Variants in ZNF407 observed in about 807,000 individuals in gnomAD.
ZNF407 encodes zinc finger protein 407.
ZNF407 carries 17 observed loss-of-function variants against 131.2 expected under a neutral mutation model. That is an observed-to-expected ratio of 0.13 (90% CI 0.09 to 0.19). ZNF407 has a LOEUF of 0.19. Ranked by LOEUF, ZNF407 falls within the 10% of genes least tolerant of loss-of-function variation. The pLI is 1.00. For synonymous variants in ZNF407, 1,156 were observed against 1,062.0 expected, an observed-to-expected ratio of 1.09 and a Z score of -1.72; for missense variants, 2,681 against 2,830.6, an observed-to-expected ratio of 0.95 and a Z score of 1.20.
intron 8 of ZNF407, among the ~76,000 whole-genome samples, chr18:74,984,427 A>T (rs557688470): frequency 6.5e-4 from 99 of 152,366 alleles, no homozygotes; most frequent in Non-Finnish European, 1.2e-3. Context: ...TATTATGTTT[A>T]CAATATATGA....
chr18:74,981,705 C>T (rs1972595770), intron 8 of ZNF407, among the ~76,000 whole-genome samples: 1 of 152,160 alleles, frequency 6.6e-6, no homozygotes, highest in Admixed American at 6.5e-5. Flanking sequence ...CCAGCCAAGC[C>T]ACACACATGG....
At chr18:75,055,325 A>G (rs1260687724) in intron 8 of ZNF407, among the ~76,000 whole-genome samples, 2 of 152,096 alleles carry the variant, frequency 1.3e-5, no homozygotes, top group Non-Finnish European at 2.9e-5. Flanking sequence ...TCGATTTCCA[A>G]AGGTACATGG....
At chr18:74,755,771 T>TTCTC (rs112828430) in intron 3 of ZNF407, among the ~76,000 whole-genome samples, 23 of 130,584 alleles carry the variant, frequency 1.8e-4, no homozygotes, top group African/African-American at 4.3e-4. Context: ...CTTTCTTTCT[T>TTCTC]TCTCTCTCTC....
intron 7 of ZNF407, among the ~76,000 whole-genome samples, chr18:74,907,940 G>T (rs1377837637): frequency 6.6e-6 from 1 of 151,972 alleles, no homozygotes; most frequent in Non-Finnish European, 1.5e-5. Context: ...GTCACCTTAA[G>T]TTTTAATTCG....
At chr18:74,758,328 G>A (rs1969011357) in intron 3 of ZNF407, among the ~76,000 whole-genome samples, 1 of 152,034 alleles carries the variant, frequency 6.6e-6, no homozygotes, top group Non-Finnish European at 1.5e-5. Context: ...ATGCATGTGT[G>A]TGTATAAATT....
chr18:74,872,811 G>T (rs1225284313), intron 4 of ZNF407, among the ~76,000 whole-genome samples: 2 of 150,248 alleles, frequency 1.3e-5, no homozygotes, highest in Non-Finnish European at 3.0e-5. Context: ...CCTCTTACTG[G>T]TAAAAAATAA....
chr18:74,748,357 T>C (rs1968719674), intron 3 of ZNF407, among the ~76,000 whole-genome samples: 1 of 151,806 alleles, frequency 6.6e-6, no homozygotes, highest in African/African-American at 2.4e-5. Flanking sequence ...TGGACAACAC[T>C]GATCAGAAAA....
Position 75,063,731 on chromosome 18 carries a change from G to T in ZNF407, c.6010G>T (p.Gly2004Cys), listed in dbSNP as rs766430165. ...CAVTELGEVEGRAGLEEQGRP... is the reference protein window; with the variant it reads ...CAVTELGEVECRAGLEEQGRP... ...GGTCACTGAATTAGGGGAGGTGGAG[G>T]GCAGGGCTGGGCTCGAGGAGCAAGG... Residue 2004 changes from glycine (G) to cysteine (C), a missense_variant, in exon 9 of 9, where the codon GGC becomes TGC. Physicochemically the swap from Gly to Cys is radical, Grantham distance 159. Transcript: ENST00000299687. This position sits in a 1 kb window ranked among gnomAD's most constrained non-coding sequence, Gnocchi z 6.6. 5 of 1,612,248 alleles carry T rather than the reference G, an allele frequency of 3.1e-6. No individual in the cohort carries two copies. The South Asian group carries it at 5.5e-5, about 18-fold the overall frequency.
chr18:74,644,367 A>G (rs1224044802), intron 3 of ZNF407, among the ~76,000 whole-genome samples: 2 of 151,788 alleles, frequency 1.3e-5, no homozygotes, highest in African/African-American at 4.8e-5. Flanking sequence ...AATAGAAACT[A>G]TACCTATTTT....
At chr18:74,804,356 T>A in intron 4 of ZNF407, 2 of 1,048,342 alleles carry the variant, frequency 1.9e-6, no homozygotes, top group Non-Finnish European at 2.3e-6. Flanking sequence ...GACTGTCCAA[T>A]CAAAGTTTTT....
At chr18:74,746,404 A>G (rs1346881000) in intron 3 of ZNF407, among the ~76,000 whole-genome samples, 1 of 152,126 alleles carries the variant, frequency 6.6e-6, no homozygotes, top group Non-Finnish European at 1.5e-5. Context: ...TCTTACTGCA[A>G]GTTTTTCACT....
intron 4 of ZNF407, among the ~76,000 whole-genome samples, chr18:74,789,444 G>T (rs1207622431): frequency 6.6e-6 from 1 of 152,154 alleles, no homozygotes; most frequent in African/African-American, 2.4e-5. Context: ...ACCAGTGAGC[G>T]TATTTCATTG....
intron 3 of ZNF407, among the ~76,000 whole-genome samples, chr18:74,745,162 CT>C (rs1968639489): frequency 6.6e-6 from 1 of 152,046 alleles, no homozygotes; most frequent in African/African-American, 2.4e-5. Flanking sequence ...AAAAAGGCAA[CT>C]TAATAATTGG....
chr18:74,623,231 C>CG (rs1983631107), intron 1 of ZNF407, among the ~76,000 whole-genome samples: 1 of 149,432 alleles, frequency 6.7e-6, no homozygotes, highest in South Asian at 2.1e-4. Context: ...TGTGTGAGTG[C>CG]GGGTGTTAGT....
At chr18:74,653,771 C>T (rs774646560) in intron 3 of ZNF407, among the ~76,000 whole-genome samples, 28 of 151,730 alleles carry the variant, frequency 1.8e-4, no homozygotes, top group African/African-American at 4.8e-4. Flanking sequence ...CAAAAACTAA[C>T]GTAATTATGC....
intron 3 of ZNF407, among the ~76,000 whole-genome samples, chr18:74,715,505 C>T (rs1967873047): frequency 6.6e-6 from 1 of 152,144 alleles, no homozygotes; most frequent in Non-Finnish European, 1.5e-5. Flanking sequence ...GCAGCTCATC[C>T]CATCACAGGA....
chr18:75,059,741 G>GGC (rs1482468601), intron 8 of ZNF407, among the ~76,000 whole-genome samples: 3 of 152,100 alleles, frequency 2.0e-5, no homozygotes, highest in African/African-American at 7.2e-5. Context: ...AGGAGCTGTG[G>GGC]GCGCCACCCT....
At chr18:74,833,306 G>A (rs1487431162) in intron 4 of ZNF407, among the ~76,000 whole-genome samples, 1 of 152,248 alleles carries the variant, frequency 6.6e-6, no homozygotes, top group Non-Finnish European at 1.5e-5. Flanking sequence ...CTGTTCTCTA[G>A]TGAGATTAAA....
chr18:74,784,902 G>A (rs895374416), intron 4 of ZNF407, among the ~76,000 whole-genome samples: 14 of 152,158 alleles, frequency 9.2e-5, no homozygotes, highest in African/African-American at 2.4e-4. Context: ...GGTATTCGTC[G>A]TTCAGTGCTG....
Sources: allele counts gnomAD v4.1 joint callset (sites outside exome capture counted in the v4.1 genomes callset), GRCh38; gene constraint gnomAD v4.1.1; non-coding constraint Gnocchi (gnomAD v3.1); transcripts MANE v1.5; gene names NCBI Gene and HGNC (gene_info 2026-07-23, HGNC 2026-07-21).